MDM4: variants seen among roughly 807,000 people sequenced by gnomAD.
MDM4 encodes protein Mdm4.
Under a neutral mutation model 60.2 loss-of-function variants are expected in MDM4, and 2 were observed. That is an observed-to-expected ratio of 0.03 (90% CI 0.01 to 0.10). The LOEUF (loss-of-function observed/expected upper bound fraction) is 0.10, where lower values mean the gene tolerates loss of function less well. Among genes scored for constraint, MDM4 ranks in the 10% least tolerant of loss-of-function variants. The pLI is 1.00. For missense variants in MDM4, 447 were observed against 577.5 expected (o/e 0.77, Z 2.32); for synonymous variants, 202 against 198.1 (o/e 1.02, Z -0.17).
chr1:204,550,535 C>G lies in MDM4; in HGVS notation c.*853C>G, dbSNP rs1015390383. The G allele has an allele frequency of 1.2e-4, 22 of 183,534 alleles. No homozygotes were observed. The highest frequency in any genetic ancestry group is 5.0e-4 in the African/African-American group (21 of 42,040). The allele number at this position is 183,534 out of a possible 1,614,324, so 11.4% of individuals were successfully genotyped here. A position where few individuals can be genotyped will look rare whatever the true frequency, so the allele number is the denominator to read the frequency against. On this transcript the variant is annotated 3_prime_UTR_variant, in exon 11 of 11. Coordinates refer to ENST00000367182, the MANE Select transcript of MDM4 (RefSeq NM_002393.5). ...TACTTACAAAGGATATACTATCCAA[C>G]ATATTGCATATTATATATGTGCTTT...
chr1:204,519,462 G>A (rs916387111), intron 1 of MDM4, among the ~76,000 whole-genome samples: 28 of 152,008 alleles, frequency 1.8e-4, no homozygotes, highest in Non-Finnish European at 7.4e-5. Context: ...GACCAGGATC[G>A]CTCCATTGCA....
chr1:204,530,945 T>A, intron 4 of MDM4, 128 bp downstream of exon 4: 1 of 1,190,066 alleles, frequency 8.4e-7, no homozygotes, highest in Non-Finnish European at 1.2e-6. Context: ...AGGTAGCCTA[T>A]GAGGCACTGA....
rs1208059690 is a variant in MDM4 at position 204,554,843 on chromosome 1, C to T, written c.*5161C>T. On this transcript the variant is annotated 3_prime_UTR_variant, in exon 11 of 11. Transcript: ENST00000367182. Reference sequence around the variant, plus strand: ...ATTTCTTTCCTTTTGTGGGAAATGTCCCATTAGCATTTTCAGATCTTTTGA... The same window carrying T: ...ATTTCTTTCCTTTTGTGGGAAATGTTCCATTAGCATTTTCAGATCTTTTGA... 7 of 224,960 alleles carry T rather than the reference C, an allele frequency of 3.1e-5. No homozygotes were observed. The highest frequency in any genetic ancestry group is 5.3e-5 in the Non-Finnish European group (6 of 113,088). 13.9% of individuals were successfully genotyped at this position (224,960 alleles called of 1,614,324 possible). A position where few individuals can be genotyped will look rare whatever the true frequency, so the allele number is the denominator to read the frequency against.
rs1401368108 is a variant in MDM4, at chr1:204,556,515, G to A, written c.*6833G>A. 1 of 214,240 alleles carries A rather than the reference G, an allele frequency of 4.7e-6. No individual in the cohort carries two copies. The allele number at this position is 214,240 out of a possible 1,614,324, so 13.3% of individuals were successfully genotyped here. On this transcript the variant is annotated 3_prime_UTR_variant, in exon 11 of 11. Transcript: ENST00000367182. ...AGCTCGAGACCAGCCTGGGCAACAT[G>A]GTGAAACCCTGTCTCTACCAAAAAT... is the stretch of plus-strand genomic sequence containing the variant.
At chr1:204,527,971 G>T (rs1416939023) in intron 3 of MDM4, among the ~76,000 whole-genome samples, 1 of 150,862 alleles carries the variant, frequency 6.6e-6, no homozygotes. Context: ...TGATTTTTTA[G>T]AATACCTATA....
At chr1:204,527,659 A>AT (rs1660346537) in intron 3 of MDM4, among the ~76,000 whole-genome samples, 1 of 147,266 alleles carries the variant, frequency 6.8e-6, no homozygotes, top group Non-Finnish European at 1.5e-5. Context: ...AAAAAAAAAA[A>AT]GTGTCAGACA....
rs1473024972 is a variant in MDM4 at position 204,557,463 on chromosome 1, C to T, written c.*7781C>T. ...TGTCACCCAGGCTGGAATGCAGTGG[C>T]GCAATCTTGGTTCACTGCAACCCCC... is the stretch of plus-strand genomic sequence containing the variant. On this transcript the variant is annotated 3_prime_UTR_variant, in exon 11 of 11. Transcript: ENST00000367182. 13 of 175,604 alleles carry T rather than the reference C, an allele frequency of 7.4e-5. No individual in the cohort carries two copies. The highest frequency in any genetic ancestry group is 1.4e-4 in the African/African-American group (6 of 42,096). The allele number at this position is 175,604 out of a possible 1,614,324, so 10.9% of individuals were successfully genotyped here. A position where few individuals can be genotyped will look rare whatever the true frequency, so the allele number is the denominator to read the frequency against.
rs1663200450 is a variant in MDM4 at position 204,551,470 on chromosome 1, T to G, written c.*1788T>G. On this transcript the variant is annotated 3_prime_UTR_variant, in exon 11 of 11. Coordinates refer to ENST00000367182, the MANE Select transcript of MDM4 (RefSeq NM_002393.5). The stretch of plus-strand genomic sequence containing the variant: ...GGTTGAGAGGCAGCCTCTTTTTTTT[T>G]TTTTTTTTTTTTTTTTTTTTGGAGG... 3.2e-4 allele frequency: 58 copies of G among 178,548 alleles called. 1 individual carries two copies. The highest frequency in any genetic ancestry group is 5.8e-4 in the Non-Finnish European group (52 of 89,314). The allele number at this position is 178,548 out of a possible 1,614,324, so 11.1% of individuals were successfully genotyped here.
At chr1:204,516,840 G>C (rs1037382651) in intron 1 of MDM4, among the ~76,000 whole-genome samples, 4 of 152,216 alleles carry the variant, frequency 2.6e-5, no homozygotes, top group Non-Finnish European at 5.9e-5. Context: ...AAAGGAGGTG[G>C]GAGAGAGGGA....
In MDM4 at chr1:204,536,992, C is replaced by A. The variant is rs760053164; in HGVS notation, c.344-438C>A. On this transcript the variant is annotated intron_variant, in intron 5 of 10. Coordinates refer to ENST00000367182, the MANE Select transcript of MDM4 (RefSeq NM_002393.5). Reference sequence around the variant, plus strand: ...AAATCCAGATTTCAAGATCCCATAACCCTGTATGACTTAACACTTGAAAGT... The same window carrying A: ...AAATCCAGATTTCAAGATCCCATAAACCTGTATGACTTAACACTTGAAAGT... 3.4e-5 allele frequency: 12 copies of A among 348,796 alleles called. No individual in the cohort carries two copies. In the Middle Eastern group the frequency reaches 1.1e-3, roughly 32 times the overall value. The allele number at this position is 348,796 out of a possible 1,614,324, so 21.6% of individuals were successfully genotyped here. A position where few individuals can be genotyped will look rare whatever the true frequency, so the allele number is the denominator to read the frequency against.
At chr1:204,532,451 T>C (rs962071829) in intron 5 of MDM4, 9 of 571,606 alleles carry the variant, frequency 1.6e-5, no homozygotes, top group African/African-American at 9.5e-5. Context: ...TTCCACTTTC[T>C]AGACGTACTG....
chr1:204,532,760 G>A (rs373674668), intron 5 of MDM4: 36 of 1,608,776 alleles, frequency 2.2e-5, no homozygotes, highest in African/African-American at 6.7e-5. Flanking sequence ...TGTCATTTAC[G>A]TGTTGAAGAA....
At chr1:204,545,996 T>C (rs923637954) in intron 9 of MDM4, among the ~76,000 whole-genome samples, 2 of 152,178 alleles carry the variant, frequency 1.3e-5, no homozygotes, top group African/African-American at 4.8e-5. Flanking sequence ...AGAACACTCC[T>C]TACTTTTGAA....
In MDM4 at chr1:204,530,803, C is replaced by T. The variant is rs761265462; in HGVS notation, c.273C>T (p.Ser91=). ...AACTACTGGGACGTCAGAGCTTCTC[C>T]GTGAAAGACCCAAGGTAAAAACAGT... ...LGELLGRQSF[S]VKDPSPLYDM... is the part of the protein sequence containing the mutation. The change falls in exon 4 of 11, where the codon TCC becomes TCT. Residue 91 remains serine (S), a synonymous_variant. Coordinates refer to ENST00000367182, the MANE Select transcript of MDM4 (RefSeq NM_002393.5). 142 of 1,613,996 alleles carry T rather than the reference C, an allele frequency of 8.8e-5. No homozygotes were observed. Among genetic ancestry groups the T allele is most frequent in the Middle Eastern group, 1.6e-4 (1 of 6,084 alleles).
intron 3 of MDM4, among the ~76,000 whole-genome samples, chr1:204,527,793 G>A (rs1660367551): frequency 6.6e-6 from 1 of 151,940 alleles, no homozygotes; most frequent in South Asian, 2.1e-4. Context: ...AAATGTTAAT[G>A]TTGGGAACTG....
At chr1:204,531,189 A>G (rs1455475087) in intron 4 of MDM4, among the ~76,000 whole-genome samples, 1 of 152,240 alleles carries the variant, frequency 6.6e-6, no homozygotes, top group Non-Finnish European at 1.5e-5. Context: ...AAGCTGAAAG[A>G]TAGATAATTA....
chr1:204,518,224 T>A (rs562602732), intron 1 of MDM4, among the ~76,000 whole-genome samples: 21 of 152,296 alleles, frequency 1.4e-4, no homozygotes, highest in African/African-American at 4.8e-4. Context: ...GTGTGATCAT[T>A]GCACACTACA....
At chr1:204,536,942 ATTG>A in intron 5 of MDM4, 1 of 404,030 alleles carries the variant, frequency 2.5e-6, no homozygotes, top group Non-Finnish European at 4.8e-6. Context: ...TGAAGATGCT[ATTG>A]TTTTATGAAG....
intron 10 of MDM4, among the ~76,000 whole-genome samples, chr1:204,548,198 C>G (rs1196419345): frequency 6.6e-6 from 1 of 152,192 alleles, no homozygotes; most frequent in Non-Finnish European, 1.5e-5. Context: ...CTCATGAATT[C>G]CAAATCTTTA....
Sources: allele counts gnomAD v4.1 joint callset (sites outside exome capture counted in the v4.1 genomes callset), GRCh38; gene constraint gnomAD v4.1.1; transcripts MANE v1.5; gene names NCBI Gene and HGNC (gene_info 2026-07-23, HGNC 2026-07-21).